The following GAL3ST2 variants were observed in gnomAD, a reference collection of about 807,000 sequenced individuals.
GAL3ST2 encodes the protein beta-galactose-3-O-sulfotransferase 2.
GAL3ST2 carries 16 observed loss-of-function variants against 12.9 expected under a neutral mutation model. That is an observed-to-expected ratio of 1.24 (90% CI 0.84 to 1.88). GAL3ST2 has a LOEUF of 1.88. Among genes scored for constraint, GAL3ST2 ranks in the 40% most tolerant of loss-of-function variants. The probability of loss-of-function intolerance (pLI) is 0.00; values close to 1 mark genes in which losing one functional copy is unlikely to be tolerated. For synonymous variants in GAL3ST2, 302 were observed against 273.9 expected (o/e 1.10, Z -1.01); for missense variants, 639 against 571.8 (o/e 1.12, Z -1.20).
At chr2:241,791,405 T>G (rs1179009809) in intron 1 of GAL3ST2, among the ~76,000 whole-genome samples, 1 of 152,216 alleles carries the variant, frequency 6.6e-6, no homozygotes. Context: ...AATGGTGAGC[T>G]TTCATTTAAG....
Position 241,801,562 on chromosome 2 carries a change from G to C in GAL3ST2, c.120-219G>C, listed in dbSNP as rs1259581685. 3.3e-6 allele frequency: 2 copies of C among 613,156 alleles called. No individual in the cohort carries two copies. Among genetic ancestry groups the C allele is most frequent in the East Asian group, 2.8e-5 (1 of 35,948 alleles). 38.0% of individuals were successfully genotyped at this position (613,156 alleles called of 1,614,324 possible). A position where few individuals can be genotyped will look rare whatever the true frequency, so the allele number is the denominator to read the frequency against. Reference sequence around the variant, plus strand: ...TGGGGGAGCATGGTTACGGGAGACAGTTGGGGGAGTTTGTGTTCGGGCCAC... The same window carrying C: ...TGGGGGAGCATGGTTACGGGAGACACTTGGGGGAGTTTGTGTTCGGGCCAC... On this transcript the variant is annotated intron_variant, in intron 2 of 3. Transcript: ENST00000192314. This position sits in a 1 kb window ranked among gnomAD's most constrained non-coding sequence, Gnocchi z 4.4.
intron 1 of GAL3ST2, among the ~76,000 whole-genome samples, chr2:241,791,231 G>T (rs548431476): frequency 6.6e-6 from 1 of 152,098 alleles, no homozygotes; most frequent in Non-Finnish European, 1.5e-5. Flanking sequence ...TCTTTTTGTC[G>T]ACACTCTCTA....
intron 1 of GAL3ST2, among the ~76,000 whole-genome samples, chr2:241,785,808 A>G (rs1699620302): frequency 1.3e-5 from 2 of 152,198 alleles, no homozygotes. Flanking sequence ...AGGTCCTAGG[A>G]GAGACAAAAA....
chr2:241,779,921 G>C (rs1699546215), intron 1 of GAL3ST2, among the ~76,000 whole-genome samples: 1 of 151,902 alleles, frequency 6.6e-6, no homozygotes, highest in Non-Finnish European at 1.5e-5. Context: ...GGGAAGCGGA[G>C]GTTGCGGTGA....
chr2:241,783,152 C>G (rs1167015193), intron 1 of GAL3ST2, among the ~76,000 whole-genome samples: 1 of 151,608 alleles, frequency 6.6e-6, no homozygotes, highest in African/African-American at 2.4e-5. Context: ...AAAAAAAAAC[C>G]CACACAAAAA....
chr2:241,797,301 G>A (rs758531118), intron 1 of GAL3ST2, among the ~76,000 whole-genome samples: 1 of 152,124 alleles, frequency 6.6e-6, no homozygotes, highest in Non-Finnish European at 1.5e-5. Context: ...TTGACCCCAT[G>A]TGGAACTGAT....
intron 1 of GAL3ST2, among the ~76,000 whole-genome samples, chr2:241,787,608 C>T (rs116852442): frequency 0.01 from 1,500 of 148,288 alleles, 82 homozygotes; most frequent in Admixed American, 0.084. Context: ...GCTTCCATGA[C>T]GATGGAAGGC....
chr2:241,804,148 C>A lies in GAL3ST2; in HGVS notation c.1179C>A (p.Ile393=). The change falls in exon 4 of 4, where the codon ATC becomes ATA. Residue 393 remains isoleucine, a synonymous_variant. Coordinates refer to ENST00000192314, the MANE Select transcript of GAL3ST2 (RefSeq NM_022134.3). ...LQFPEKPLKN[I]PFLGA ...TCCCGGAGAAGCCCCTCAAGAACAT[C>A]CCGTTCCTGGGGGCGTAGAGGGGCC... is the stretch of plus-strand genomic sequence containing the variant. 1 of 1,456,748 alleles carries A rather than the reference C, an allele frequency of 6.9e-7. No homozygotes were observed. Among genetic ancestry groups the A allele is most frequent in the South Asian group, 1.4e-5 (1 of 73,168 alleles). 90.2% of individuals were successfully genotyped at this position (1,456,748 alleles called of 1,614,324 possible).
intron 3 of GAL3ST2, 61 bp from the exon 4 acceptor site, chr2:241,803,284 G>A (rs776210114): frequency 4.9e-6 from 7 of 1,414,740 alleles, no homozygotes; most frequent in Non-Finnish European, 6.7e-6. Context: ...CCTCCTCCCC[G>A]CGGGTGGGCC....
At chr2:241,783,990 A>C (rs1227702970) in intron 1 of GAL3ST2, among the ~76,000 whole-genome samples, 2 of 152,188 alleles carry the variant, frequency 1.3e-5, no homozygotes, top group Non-Finnish European at 2.9e-5. Context: ...AATCTTACTA[A>C]ATTCAAGCTG....
chr2:241,780,249 G>A (rs900547141), intron 1 of GAL3ST2, among the ~76,000 whole-genome samples: 2 of 152,162 alleles, frequency 1.3e-5, no homozygotes, highest in African/African-American at 4.8e-5. Flanking sequence ...GGTTGGGTGT[G>A]GTGGCTCACA....
intron 1 of GAL3ST2, among the ~76,000 whole-genome samples, chr2:241,794,143 T>C (rs1378149518): frequency 6.6e-6 from 1 of 152,086 alleles, no homozygotes; most frequent in Non-Finnish European, 1.5e-5. Flanking sequence ...GATGGGGGTC[T>C]CACTATACCA....
chr2:241,801,815 A>C lies in GAL3ST2; in HGVS notation c.154A>C (p.Thr52Pro). 1.9e-6 allele frequency: 3 copies of C among 1,612,790 alleles called. No individual in the cohort carries two copies. Among genetic ancestry groups the C allele is most frequent in the Non-Finnish European group, 2.5e-6 (3 of 1,179,928 alleles). ...GGGCCAGGCTGAGGGGCCGCCGGTC[A>C]CCAACATCATGTTCCTGAAGACGCA... ...FGGQAEGPPV[T>P]NIMFLKTHKT... is the part of the protein sequence containing the mutation. The change falls in exon 3 of 4, where the codon ACC (threonine) becomes CCC (proline). Residue 52 changes from threonine to proline, a missense_variant. Physicochemically the swap from Thr to Pro is conservative, Grantham distance 38. Coordinates refer to ENST00000192314, the MANE Select transcript of GAL3ST2 (RefSeq NM_022134.3). The surrounding 1 kb of genome is among the most constrained non-coding windows in gnomAD (Gnocchi z 4.4).
At chr2:241,798,531 A>G (rs1421602256) in intron 1 of GAL3ST2, among the ~76,000 whole-genome samples, 1 of 151,154 alleles carries the variant, frequency 6.6e-6, no homozygotes, top group Non-Finnish European at 1.5e-5. Flanking sequence ...CATTACAGGG[A>G]CTCCACCCGC....
chr2:241,801,162 T>A lies in GAL3ST2; in HGVS notation c.120-619T>A, dbSNP rs1699838676. 1 of 152,668 alleles carries A rather than the reference T, an allele frequency of 6.6e-6. No individual in the cohort carries two copies. The highest frequency in any genetic ancestry group is 2.1e-4 in the South Asian group (1 of 4,844). The allele number at this position is 152,668 out of a possible 1,614,324, so 9.5% of individuals were successfully genotyped here. On this transcript the variant is annotated intron_variant, in intron 2 of 3. Coordinates refer to ENST00000192314, the MANE Select transcript of GAL3ST2 (RefSeq NM_022134.3). This position sits in a 1 kb window ranked among gnomAD's most constrained non-coding sequence, Gnocchi z 4.4. ...GGGATGCGCTGTTCCCCTCTCTGTG[T>A]CCACGTGTTCTCATTGTTCAAGTCC...
Position 241,803,542 on chromosome 2 carries a change from C to A in GAL3ST2, c.573C>A (p.Asn191Lys). ...ACCTCAGGAACGTCTACGCCAAGAA[C>A]AACATGTGGTTCGACTTCGGCTTCG... ...SRHLRNVYAK[N>K]NMWFDFGFDP... Residue 191 changes from asparagine to lysine, a missense_variant, in exon 4 of 4, where the codon AAC becomes AAA. By Grantham distance (94) the Asn-to-Lys change is moderately conservative. Transcript: ENST00000192314. 1.2e-6 allele frequency: 2 copies of A among 1,609,518 alleles called. No homozygotes were observed. The highest frequency in any genetic ancestry group is 8.5e-7 in the Non-Finnish European group (1 of 1,178,228).
chr2:241,790,520 C>T (rs1458569904), intron 1 of GAL3ST2, among the ~76,000 whole-genome samples: 1 of 152,166 alleles, frequency 6.6e-6, no homozygotes, highest in East Asian at 1.9e-4. Flanking sequence ...TGCCCAAATT[C>T]CTATCTAAGA....
rs180716604 is a variant in GAL3ST2, at chr2:241,789,409, A to G, written c.30-9656A>G. On this transcript the variant is annotated intron_variant, in intron 1 of 3. Coordinates refer to ENST00000192314, the MANE Select transcript of GAL3ST2 (RefSeq NM_022134.3). ...TGCTTTAGTTTCCCTCTAGCTCACCAGACTTTCTCTTCGTACCTTACTATG... is the reference window on the plus strand; with the variant it reads ...TGCTTTAGTTTCCCTCTAGCTCACCGGACTTTCTCTTCGTACCTTACTATG... Among the ~76,000 whole-genome samples, 615 of 152,346 alleles carry G rather than the reference A, an allele frequency of 4.0e-3. 4 individuals are homozygous for G. Among genetic ancestry groups the G allele is most frequent in the Non-Finnish European group, 6.8e-3 (460 of 68,034 alleles).
At position 241,776,916 on chromosome 2, in the gene GAL3ST2, CA is replaced by C; in HGVS notation, c.-38del. 1 of 1,466,648 alleles carries C rather than the reference CA, an allele frequency of 6.8e-7. No individual in the cohort carries two copies. Among genetic ancestry groups the C allele is most frequent in the Non-Finnish European group, 9.1e-7 (1 of 1,099,186 alleles). The allele number at this position is 1,466,648 out of a possible 1,614,324, so 90.9% of individuals were successfully genotyped here. ...GAGGCGGTGGGACCTCGGGGGAGCT[CA>C]AGCCTCGACTGTCCCCTCGCTGGAG... is the stretch of plus-strand genomic sequence containing the variant. On this transcript the variant is annotated 5_prime_UTR_variant, in exon 1 of 4. Coordinates refer to ENST00000192314, the MANE Select transcript of GAL3ST2 (RefSeq NM_022134.3).
Sources: gnomAD v4.1 joint callset for allele counts (sites outside exome capture counted in the v4.1 genomes callset) on GRCh38, gnomAD v4.1.1 for gene constraint, Gnocchi (gnomAD v3.1) non-coding constraint, MANE v1.5 for transcripts, NCBI Gene and HGNC (gene_info 2026-07-23, HGNC 2026-07-21) for gene names.